The following DLGAP2 variants were observed in gnomAD, a reference collection of about 807,000 sequenced individuals.
DLGAP2 encodes disks large-associated protein 2.
DLGAP2 carries 26 observed loss-of-function variants against 100.3 expected under a neutral mutation model. The ratio of observed to expected loss-of-function variants is 0.26; its 90% confidence interval spans 0.19 to 0.36. The LOEUF (loss-of-function observed/expected upper bound fraction) is 0.36. DLGAP2 is among the 10% of genes least tolerant of loss of function. DLGAP2 has a pLI of 1.00. For synonymous variants in DLGAP2, 886 were observed against 630.1 expected (o/e 1.41, Z -6.08); for missense variants, 1,858 against 1,453.2 (o/e 1.28, Z -4.53).
intron 8 of DLGAP2, among the ~76,000 whole-genome samples, chr8:1,661,322 G>A (rs533085139): frequency 1.3e-5 from 2 of 152,150 alleles, no homozygotes; most frequent in Non-Finnish European, 2.9e-5. Context: ...CCTCTACTAT[G>A]TTGACATGGC....
chr8:1,650,954 C>T (rs151067795), intron 8 of DLGAP2, among the ~76,000 whole-genome samples: 3 of 152,224 alleles, frequency 2.0e-5, no homozygotes, highest in Admixed American at 6.5e-5. Context: ...GAGGACGGTA[C>T]GGACATTCCT....
intron 4 of DLGAP2, among the ~76,000 whole-genome samples, chr8:1,506,619 C>G (rs952569364): frequency 1.3e-5 from 2 of 152,096 alleles, no homozygotes; most frequent in South Asian, 4.1e-4. Context: ...GTTGCCAGTG[C>G]CGGCTCAGGC....
At chr8:1,407,519 C>A (rs1796599166) in intron 3 of DLGAP2, among the ~76,000 whole-genome samples, 1 of 143,854 alleles carries the variant, frequency 7.0e-6, no homozygotes, top group Non-Finnish European at 1.5e-5. Flanking sequence ...TCCTCATCGT[C>A]CAGAGTCGTG....
At chr8:889,130 A>T (rs1797983349) in intron 1 of DLGAP2, among the ~76,000 whole-genome samples, 1 of 152,158 alleles carries the variant, frequency 6.6e-6, no homozygotes, top group Non-Finnish European at 1.5e-5. Context: ...CAGGAGAAGG[A>T]ATTTCACAAG....
chr8:754,573 GC>G (rs1416780732), intron 1 of DLGAP2, among the ~76,000 whole-genome samples: 2 of 152,196 alleles, frequency 1.3e-5, no homozygotes, highest in Non-Finnish European at 2.9e-5. Flanking sequence ...CAGTGTGCCT[GC>G]CCAGGTGCGG....
chr8:846,323 A>G (rs1391842119), intron 1 of DLGAP2, among the ~76,000 whole-genome samples: 1 of 152,110 alleles, frequency 6.6e-6, no homozygotes, highest in Non-Finnish European at 1.5e-5. Context: ...TGGTAACCAC[A>G]ATTCTACTCT....
At chr8:903,049 G>C (rs1419011315) in intron 1 of DLGAP2, among the ~76,000 whole-genome samples, 1 of 148,766 alleles carries the variant, frequency 6.7e-6, no homozygotes, top group African/African-American at 2.5e-5. Flanking sequence ...GTGGACGGGG[G>C]CGGTGGGGCG....
intron 2 of DLGAP2, among the ~76,000 whole-genome samples, chr8:1,000,076 G>C (rs1359461563): frequency 6.8e-6 from 1 of 147,150 alleles, no homozygotes; most frequent in Non-Finnish European, 1.5e-5. Flanking sequence ...AGAGATCCGG[G>C]TGGAGGTGGT....
chr8:819,309 G>A (rs1208536532), intron 1 of DLGAP2, among the ~76,000 whole-genome samples: 1 of 152,178 alleles, frequency 6.6e-6, no homozygotes, highest in Non-Finnish European at 1.5e-5. Flanking sequence ...GGACCTTTAA[G>A]CAACATAGCA....
intron 2 of DLGAP2, among the ~76,000 whole-genome samples, chr8:977,743 GA>G (rs1800205255): frequency 6.6e-6 from 1 of 150,852 alleles, no homozygotes; most frequent in African/African-American, 2.4e-5. Flanking sequence ...GGGATGCAGT[GA>G]GGGGCTGGGT....
intron 1 of DLGAP2, among the ~76,000 whole-genome samples, chr8:796,126 TGTCCAGTGAGAGCAGGC>T (rs1373584667): frequency 2.6e-4 from 28 of 106,872 alleles, no homozygotes; most frequent in South Asian, 1.4e-3. Flanking sequence ...TGAGAGCAGC[TGTCCAGTGAGAGCAGGC>T]GTCCAGTGAG....
chr8:1,288,539 AGT>A (rs1166851174), intron 3 of DLGAP2, among the ~76,000 whole-genome samples: 421 of 27,826 alleles, frequency 0.015, 7 homozygotes, highest in Admixed American at 0.026. Flanking sequence ...GTTTCAGTTG[AGT>A]GTGTGTGTGT....
chr8:1,267,620 AG>A (rs1426615560), intron 3 of DLGAP2, among the ~76,000 whole-genome samples: 11,412 of 121,746 alleles, frequency 0.094, 2,256 homozygotes, highest in Non-Finnish European at 0.1. Flanking sequence ...AGATAAGATA[AG>A]ATAAATATTA....
intron 2 of DLGAP2, among the ~76,000 whole-genome samples, chr8:996,600 G>T (rs80076163): frequency 2.0e-5 from 3 of 152,278 alleles, no homozygotes; most frequent in African/African-American, 7.2e-5. Flanking sequence ...GACAAGTTTC[G>T]TTATCAACCT....
intron 2 of DLGAP2, among the ~76,000 whole-genome samples, chr8:946,079 T>G (rs1799312129): frequency 6.6e-6 from 1 of 152,010 alleles, no homozygotes; most frequent in Non-Finnish European, 1.5e-5. Flanking sequence ...CCTCCTGTGC[T>G]CAGCACCCCC....
At chr8:797,670 C>T (rs1213475716) in intron 1 of DLGAP2, among the ~76,000 whole-genome samples, 2 of 152,230 alleles carry the variant, frequency 1.3e-5, no homozygotes, top group South Asian at 4.1e-4. Flanking sequence ...ATACTCCCAC[C>T]AGGCAGGGCT....
At chr8:1,422,546 G>C (rs1797122958) in intron 3 of DLGAP2, among the ~76,000 whole-genome samples, 1 of 146,376 alleles carries the variant, frequency 6.8e-6, no homozygotes, top group Non-Finnish European at 1.5e-5. Context: ...GTTTGGAAAA[G>C]GCTTTCTTTG....
At chr8:1,441,856 T>C (rs998223134) in intron 3 of DLGAP2, among the ~76,000 whole-genome samples, 1 of 151,806 alleles carries the variant, frequency 6.6e-6, no homozygotes, top group Non-Finnish European at 1.5e-5. Flanking sequence ...GTTTGTTACG[T>C]AGGTAAACAT....
At chr8:1,137,008 C>A (rs1397305780) in intron 2 of DLGAP2, among the ~76,000 whole-genome samples, 1 of 152,206 alleles carries the variant, frequency 6.6e-6, no homozygotes, top group Admixed American at 6.5e-5. Context: ...TGTGCTAGCT[C>A]AGGCCATGAT....
Sources: gnomAD v4.1 joint callset for allele counts (sites outside exome capture counted in the v4.1 genomes callset) on GRCh38, gnomAD v4.1.1 for gene constraint, MANE v1.5 for transcripts, NCBI Gene and HGNC (gene_info 2026-07-23, HGNC 2026-07-21) for gene names.